The following STX17 variants were observed in gnomAD, a reference collection of about 807,000 sequenced individuals.
The protein encoded by STX17 is syntaxin-17.
STX17 carries 29 observed loss-of-function variants against 35.9 expected under a neutral mutation model. That is an observed-to-expected ratio of 0.81 (90% CI 0.60 to 1.10). The LOEUF (loss-of-function observed/expected upper bound fraction) is 1.10, where lower values mean the gene tolerates loss of function less well. STX17 is among the 50% of genes least tolerant of loss of function. STX17 has a pLI of 0.00. For missense variants in STX17, 312 were observed against 352.3 expected, an observed-to-expected ratio of 0.89 and a Z score of 0.92; for synonymous variants, 92 against 118.3, an observed-to-expected ratio of 0.78 and a Z score of 1.44.
chr9:99,920,382 T>C (rs1041754484), intron 2 of STX17, among the ~76,000 whole-genome samples: 20 of 152,154 alleles, frequency 1.3e-4, no homozygotes, highest in African/African-American at 4.3e-4. Flanking sequence ...TTGCAGCTAT[T>C]AGGGGACAAA....
chr9:99,924,121 C>T (rs1325649948), intron 2 of STX17, among the ~76,000 whole-genome samples: 8 of 152,208 alleles, frequency 5.3e-5, no homozygotes, highest in Non-Finnish European at 1.2e-4. Flanking sequence ...CCTGTCTGTT[C>T]AGATTCTTAT....
rs368821687 is a variant in STX17, at chr9:99,925,023, G to A, written c.124-3755G>A. Among the ~76,000 whole-genome samples the A allele has an allele frequency of 1.7e-3, 259 of 152,092 alleles. 8 individuals carry two copies. In the South Asian group the frequency reaches 0.047, roughly 27 times the overall value. On this transcript the variant is annotated intron_variant, in intron 2 of 7. Coordinates refer to ENST00000259400, the MANE Select transcript of STX17 (RefSeq NM_017919.3). Reference sequence around the variant, plus strand: ...TCAAATGATTATCTTTAAATCTACCGTCTTGCTATTTTTGTCTATTTGTCC... The same window carrying A: ...TCAAATGATTATCTTTAAATCTACCATCTTGCTATTTTTGTCTATTTGTCC...
At chr9:99,928,610 A>C (rs1829038141) in intron 2 of STX17, among the ~76,000 whole-genome samples, 168 bp from the exon 3 acceptor site, 1 of 152,094 alleles carries the variant, frequency 6.6e-6, no homozygotes, top group African/African-American at 2.4e-5. Context: ...AACATTCTTA[A>C]TAATTTCCTA....
At chr9:99,965,973 C>G (rs1389603379) in intron 6 of STX17, among the ~76,000 whole-genome samples, 1 of 152,150 alleles carries the variant, frequency 6.6e-6, no homozygotes, top group East Asian at 1.9e-4. Flanking sequence ...TCTAAGAGCA[C>G]ATAGTGGCGT....
chr9:99,955,384 T>A (rs987653203), intron 4 of STX17, among the ~76,000 whole-genome samples: 8 of 152,130 alleles, frequency 5.3e-5, no homozygotes, highest in Non-Finnish European at 1.2e-4. Context: ...GGTTTTAATT[T>A]TTTTTAAGTC....
chr9:99,952,690 CTATG>C (rs1829626940), intron 4 of STX17, among the ~76,000 whole-genome samples: 1 of 152,066 alleles, frequency 6.6e-6, no homozygotes, highest in South Asian at 2.1e-4. Context: ...CCATGGAATA[CTATG>C]CAGCCATAAA....
At chr9:99,938,137 A>G (rs996586534) in intron 3 of STX17, 2 of 152,170 alleles carry the variant, frequency 1.3e-5, no homozygotes, top group Non-Finnish European at 1.5e-5. Context: ...AGCTTTGGGT[A>G]ATTTCCTCAC....
At chr9:99,948,459 A>G (rs1285800154) in intron 3 of STX17, among the ~76,000 whole-genome samples, 1 of 152,044 alleles carries the variant, frequency 6.6e-6, no homozygotes, top group Non-Finnish European at 1.5e-5. Context: ...GGTGTTTGCT[A>G]TGTAATAAAG....
At position 99,911,047 on chromosome 9, in the gene STX17, T is replaced by C. The variant is rs75297572; in HGVS notation, c.-62-4131T>C. Among the ~76,000 whole-genome samples the C allele has an allele frequency of 3.1e-3, 465 of 152,090 alleles. 2 individuals are homozygous for C. Among genetic ancestry groups the C allele is most frequent in the South Asian group, 5.2e-3 (25 of 4,814 alleles). On this transcript the variant is annotated intron_variant, in intron 1 of 7. Coordinates refer to ENST00000259400, the MANE Select transcript of STX17 (RefSeq NM_017919.3). ...CAGGATTTCATTCTTTTTTTTTTTT[T>C]TCTCCCTAGACGGAGTCTCGCTCTG...
At chr9:99,916,705 G>C (rs1420513884) in intron 2 of STX17, among the ~76,000 whole-genome samples, 1 of 152,028 alleles carries the variant, frequency 6.6e-6, no homozygotes, top group African/African-American at 2.4e-5. Context: ...TTAGTATTTT[G>C]TCATCCTTGA....
In STX17 at chr9:99,959,941, A is replaced by C; in HGVS notation, c.440A>C (p.Glu147Ala). The change falls in exon 5 of 8, where the codon GAA (glutamate) becomes GCA (alanine). Residue 147 changes from glutamate (E) to alanine (A), a missense_variant. Physicochemically the swap from Glu to Ala is moderately radical, Grantham distance 107. Transcript: ENST00000259400. ...VGGAFHTTEA[E>A]ASSQSLTQIY... ...GGAGCATTTCATACTACTGAAGCTG[A>C]AGCTAGTTCTCAGAGTTTGACTCAG... 1 of 1,613,372 alleles carries C rather than the reference A, an allele frequency of 6.2e-7. No homozygotes were observed. Among genetic ancestry groups the C allele is most frequent in the Non-Finnish European group, 8.5e-7 (1 of 1,179,758 alleles).
chr9:99,928,062 A>G (rs948279162), intron 2 of STX17, among the ~76,000 whole-genome samples: 3 of 152,016 alleles, frequency 2.0e-5, no homozygotes, highest in African/African-American at 7.3e-5. Flanking sequence ...TAATGTAACT[A>G]TTCACATCTG....
chr9:99,919,541 G>A (rs772592766), intron 2 of STX17, among the ~76,000 whole-genome samples: 1 of 152,138 alleles, frequency 6.6e-6, no homozygotes, highest in Non-Finnish European at 1.5e-5. Context: ...GTTGCAAAAT[G>A]TTAAATTTTT....
intron 4 of STX17, among the ~76,000 whole-genome samples, chr9:99,953,055 A>G (rs1829636313): frequency 1.3e-5 from 2 of 152,014 alleles, no homozygotes; most frequent in African/African-American, 4.8e-5. Context: ...AAGAATAAAA[A>G]TAAAAAAAAA....
chr9:99,943,817 A>T (rs917064342), intron 3 of STX17, among the ~76,000 whole-genome samples: 3 of 152,144 alleles, frequency 2.0e-5, no homozygotes, highest in African/African-American at 4.8e-5. Context: ...AGGTTGTGCT[A>T]TCATAAAGAG....
intron 3 of STX17, among the ~76,000 whole-genome samples, chr9:99,930,383 T>C (rs1482804769): frequency 6.6e-6 from 1 of 151,918 alleles, no homozygotes; most frequent in Non-Finnish European, 1.5e-5. Context: ...TTCTCCTGCC[T>C]CAGCCTCCCG....
chr9:99,911,106 G>T (rs1587907410), intron 1 of STX17, among the ~76,000 whole-genome samples: 1 of 151,882 alleles, frequency 6.6e-6, no homozygotes. Flanking sequence ...TGAGATCTGG[G>T]TTCACCGCAA....
At chr9:99,947,993 T>C (rs34074593) in intron 3 of STX17, among the ~76,000 whole-genome samples, 1,542 of 152,166 alleles carry the variant, frequency 0.01, 15 homozygotes, top group African/African-American at 0.012. Context: ...TGATTTTTGT[T>C]CAACTTTTGA....
intron 3 of STX17, among the ~76,000 whole-genome samples, chr9:99,944,578 A>T (rs180839026): frequency 6.6e-5 from 10 of 151,300 alleles, no homozygotes; most frequent in African/African-American, 2.4e-4. Flanking sequence ...GCAATGGTGC[A>T]ATCTTGGCTC....
Sources: allele counts gnomAD v4.1 joint callset (sites outside exome capture counted in the v4.1 genomes callset), GRCh38; gene constraint gnomAD v4.1.1; transcripts MANE v1.5; gene names NCBI Gene and HGNC (gene_info 2026-07-23, HGNC 2026-07-21).